PLEKHH2: variants seen among roughly 807,000 people sequenced by gnomAD.
PLEKHH2 encodes the protein pleckstrin homology domain-containing family H member 2.
A neutral mutation model predicts 187.9 loss-of-function variants in PLEKHH2; 129 were observed. The ratio of observed to expected loss-of-function variants is 0.69; its 90% CI spans 0.59 to 0.79. The LOEUF (loss-of-function observed/expected upper bound fraction) is 0.79, where lower values mean the gene tolerates loss of function less well. Ranked by LOEUF, PLEKHH2 falls within the 30% of genes least tolerant of loss-of-function variation. PLEKHH2 has a pLI of 0.00. For missense variants in PLEKHH2, 2,076 were observed against 1,751.2 expected (o/e 1.19, Z -3.31); for synonymous variants, 686 against 605.6 (o/e 1.13, Z -1.95).
intron 24 of PLEKHH2, among the ~76,000 whole-genome samples, chr2:43,748,303 A>G (rs900915689): frequency 2.0e-5 from 3 of 152,234 alleles, no homozygotes; most frequent in Admixed American, 6.5e-5. Flanking sequence ...GCAATATTGC[A>G]TAGATATTGG....
chr2:43,681,654 C>T (rs1289615154), intron 3 of PLEKHH2: 2 of 631,646 alleles, frequency 3.2e-6, no homozygotes, highest in East Asian at 5.6e-5. Flanking sequence ...CCATAGTGAC[C>T]AGATCTGAAT....
chr2:43,692,549 T>G lies in PLEKHH2; in HGVS notation c.222T>G (p.Asn74Lys). The G allele has an allele frequency of 6.3e-7, 1 of 1,586,508 alleles. No homozygotes were observed. Among genetic ancestry groups the G allele is most frequent in the Non-Finnish European group, 8.6e-7 (1 of 1,158,276 alleles). The change falls in exon 4 of 30, where the codon AAT (asparagine) becomes AAG (lysine). Residue 74 changes from asparagine to lysine, a missense_variant. Physicochemically the swap from Asn to Lys is moderately conservative, Grantham distance 94. Transcript: ENST00000282406. ...TGGAAGATAAATTAAAAGCAGCTAA[T>G]ATTCAAACCAGTGAATCAGAGACAA... is the stretch of plus-strand genomic sequence containing the variant. The part of the protein sequence containing the change: ...QVMEDKLKAA[N>K]IQTSESETRL...
chr2:43,759,568 C>G (rs965226433), intron 27 of PLEKHH2, among the ~76,000 whole-genome samples: 2 of 152,226 alleles, frequency 1.3e-5, no homozygotes, highest in East Asian at 1.9e-4. Flanking sequence ...ATGGCCAGCC[C>G]TTTCCCCAAG....
intron 2 of PLEKHH2, among the ~76,000 whole-genome samples, 200 bp from the exon 3 acceptor site, chr2:43,678,663 C>T (rs920805786): frequency 2.6e-5 from 4 of 151,746 alleles, no homozygotes; most frequent in African/African-American, 4.8e-5. Flanking sequence ...GGCAGCAGTA[C>T]AGTCCAGCTT....
chr2:43,654,253 G>C (rs1312475365), intron 2 of PLEKHH2, among the ~76,000 whole-genome samples: 1 of 152,162 alleles, frequency 6.6e-6, no homozygotes, highest in African/African-American at 2.4e-5. Context: ...GGAGTGCAGT[G>C]TTGAGATCTC....
intron 16 of PLEKHH2, 43 bp from the exon 17 acceptor site, chr2:43,726,229 A>G: frequency 7.2e-7 from 1 of 1,391,996 alleles, no homozygotes; most frequent in South Asian, 1.3e-5. Flanking sequence ...GTAGGAAAAG[A>G]TTTAGAAAAT....
At chr2:43,734,136 A>G (rs1300150695) in intron 19 of PLEKHH2, among the ~76,000 whole-genome samples, 1 of 152,086 alleles carries the variant, frequency 6.6e-6, no homozygotes, top group Non-Finnish European at 1.5e-5. Context: ...ATGAGTAGAG[A>G]GAATATTACA....
chr2:43,650,647 T>A (rs1189448326), intron 2 of PLEKHH2, among the ~76,000 whole-genome samples: 2 of 150,392 alleles, frequency 1.3e-5, no homozygotes, highest in Non-Finnish European at 2.9e-5. Flanking sequence ...TCTTTTCTTT[T>A]TTCTTTTTTT....
intron 2 of PLEKHH2, chr2:43,676,070 C>T: frequency 6.2e-7 from 1 of 1,613,794 alleles, no homozygotes. Flanking sequence ...TTCAGTACAG[C>T]CCAGTAACTC....
At chr2:43,686,810 T>C (rs1191525101) in intron 3 of PLEKHH2, among the ~76,000 whole-genome samples, 1 of 152,196 alleles carries the variant, frequency 6.6e-6, no homozygotes, top group Non-Finnish European at 1.5e-5. Flanking sequence ...TGACACATTC[T>C]TGAGTTCAAG....
intron 2 of PLEKHH2, among the ~76,000 whole-genome samples, chr2:43,650,345 C>A (rs546297319): frequency 2.6e-5 from 4 of 151,966 alleles, no homozygotes; most frequent in South Asian, 4.2e-4. Context: ...GTTGGCCAGG[C>A]TGGTCTCAAA....
At chr2:43,659,111 T>C (rs1269533508) in intron 2 of PLEKHH2, among the ~76,000 whole-genome samples, 1 of 151,572 alleles carries the variant, frequency 6.6e-6, no homozygotes, top group African/African-American at 2.4e-5. Context: ...TAGATGGGAA[T>C]ACAGGTGTGT....
intron 2 of PLEKHH2, among the ~76,000 whole-genome samples, chr2:43,652,452 T>C (rs1262107532): frequency 1.3e-5 from 2 of 152,316 alleles, no homozygotes; most frequent in East Asian, 3.9e-4. Context: ...ACTGACTGTA[T>C]GCATATTTAA....
At position 43,695,164 on chromosome 2, in the gene PLEKHH2, C is replaced by G. The variant is rs1048143573; in HGVS notation, c.442C>G (p.Leu148Val). Residue 148 changes from leucine (L) to valine (V), a missense_variant, in exon 6 of 30, where the codon CTT (leucine) becomes GTT (valine). Coordinates refer to ENST00000282406, the MANE Select transcript of PLEKHH2 (RefSeq NM_172069.4). ...TTAGCTGGAATTGGAGAATCAGAAT[C>G]TTCGTTTGATCAACCAAAACCAAAC... is the stretch of plus-strand genomic sequence containing the variant. ...LNELELENQN[L>V]RLINQNQTEE... 6.3e-7 allele frequency: 1 copy of G among 1,596,534 alleles called. No individual in the cohort carries two copies. Among genetic ancestry groups the G allele is most frequent in the Non-Finnish European group, 8.6e-7 (1 of 1,168,552 alleles).
chr2:43,644,906 AT>A, intron 2 of PLEKHH2, 110 bp downstream of exon 2: 1 of 1,197,646 alleles, frequency 8.3e-7, no homozygotes, highest in Non-Finnish European at 1.1e-6. Flanking sequence ...TTTGTCAAGT[AT>A]TTGAAGCTAT....
chr2:43,686,485 C>A (rs1008306935), intron 3 of PLEKHH2, among the ~76,000 whole-genome samples: 12 of 152,222 alleles, frequency 7.9e-5, no homozygotes, highest in African/African-American at 2.7e-4. Context: ...GCGTGAGCCA[C>A]TGTGCCCGGC....
intron 6 of PLEKHH2, among the ~76,000 whole-genome samples, 177 bp from the exon 7 acceptor site, chr2:43,696,994 T>C (rs1287367732): frequency 6.6e-6 from 1 of 152,194 alleles, no homozygotes; most frequent in East Asian, 1.9e-4. Flanking sequence ...AATTTAAACA[T>C]TGGGATGTGA....
intron 27 of PLEKHH2, among the ~76,000 whole-genome samples, chr2:43,761,211 T>A (rs1312198064): frequency 6.6e-6 from 1 of 152,202 alleles, no homozygotes; most frequent in Non-Finnish European, 1.5e-5. Flanking sequence ...ATATCTATAG[T>A]CTTGACATTG....
At chr2:43,667,793 A>G (rs1667286127) in intron 2 of PLEKHH2, among the ~76,000 whole-genome samples, 1 of 152,166 alleles carries the variant, frequency 6.6e-6, no homozygotes, top group Non-Finnish European at 1.5e-5. Context: ...GGAGAGTACA[A>G]TGGGGAATTA....
Sources: allele counts gnomAD v4.1 joint callset (sites outside exome capture counted in the v4.1 genomes callset), GRCh38; gene constraint gnomAD v4.1.1; transcripts MANE v1.5; gene names NCBI Gene and HGNC (gene_info 2026-07-23, HGNC 2026-07-21).